The following DNMT3A variants were observed in gnomAD, a reference collection of about 807,000 sequenced individuals.
DNMT3A encodes DNA (cytosine-5)-methyltransferase 3A.
Under a neutral mutation model 117.6 loss-of-function variants are expected in DNMT3A, and 267 were observed. The observed-to-expected ratio is 2.27, with a 90% CI of 2.05 to 2.51. DNMT3A has a LOEUF of 2.51. DNMT3A is among the 30% of genes most tolerant of loss of function. DNMT3A has a pLI of 0.00. For synonymous variants in DNMT3A, 432 were observed against 474.8 expected, an observed-to-expected ratio of 0.91 and a Z score of 1.17; for missense variants, 1,029 against 1,260.2, an observed-to-expected ratio of 0.82 and a Z score of 2.78.
At chr2:25,244,087 C>A (rs1356912044) in intron 15 of DNMT3A, 68 bp downstream of exon 15, 2 of 1,605,490 alleles carry the variant, frequency 1.2e-6, no homozygotes, top group Non-Finnish European at 1.7e-6. Flanking sequence ...ACCCTGCGCA[C>A]AGCTCAGGCC....
At chr2:25,270,750 C>T (rs7580573) in intron 6 of DNMT3A, among the ~76,000 whole-genome samples, 4 of 151,938 alleles carry the variant, frequency 2.6e-5, no homozygotes, top group Admixed American at 2.6e-4. Context: ...GAACCTGCAG[C>T]GGCCTTGGGA....
intron 4 of DNMT3A, 102 bp from the exon 5 acceptor site, chr2:25,275,645 T>G: frequency 1.5e-6 from 2 of 1,310,656 alleles, no homozygotes; most frequent in South Asian, 3.0e-5. Flanking sequence ...CCACAGGGGA[T>G]GGGGGTCCTC....
At chr2:25,258,152 T>A (rs1676319706) in intron 6 of DNMT3A, among the ~76,000 whole-genome samples, 1 of 152,204 alleles carries the variant, frequency 6.6e-6, no homozygotes, top group Non-Finnish European at 1.5e-5. Context: ...GGAATCTGGT[T>A]CTCAGAGTAG....
intron 6 of DNMT3A, among the ~76,000 whole-genome samples, chr2:25,255,948 C>T (rs1164358526): frequency 1.3e-5 from 2 of 152,182 alleles, no homozygotes; most frequent in Non-Finnish European, 2.9e-5. Context: ...TGCTCTGTGG[C>T]ATGCTCTGTC....
At chr2:25,316,952 C>T (rs1399781075) in intron 1 of DNMT3A, among the ~76,000 whole-genome samples, 1 of 152,234 alleles carries the variant, frequency 6.6e-6, no homozygotes, top group African/African-American at 2.4e-5. Flanking sequence ...GATATGATCA[C>T]CATCTCCACT....
intron 2 of DNMT3A, among the ~76,000 whole-genome samples, chr2:25,313,039 C>G (rs141950921): frequency 2.0e-5 from 3 of 152,306 alleles, no homozygotes; most frequent in Non-Finnish European, 4.4e-5. Flanking sequence ...CTATGGCCAT[C>G]ATAAGATCCC....
chr2:25,336,430 A>G (rs577156024), intron 1 of DNMT3A, among the ~76,000 whole-genome samples: 1 of 152,254 alleles, frequency 6.6e-6, no homozygotes, highest in Non-Finnish European at 1.5e-5. Flanking sequence ...CACATCCTCA[A>G]CCATGACTGC....
rs149252495 is a variant in DNMT3A at position 25,299,808 on chromosome 2, G to A, written c.177+331C>T. Reference sequence around the variant, plus strand: ...TAGCCGGGAATGGTGGCGCGTGCCTGTAATCACAGCTACTTGGGAGGCTGA... The same window carrying A: ...TAGCCGGGAATGGTGGCGCGTGCCTATAATCACAGCTACTTGGGAGGCTGA... On this transcript the variant is annotated intron_variant, in intron 3 of 22. Coordinates refer to ENST00000321117, the MANE Select transcript of DNMT3A (RefSeq NM_022552.5). Among the ~76,000 whole-genome samples, 401 of 152,304 alleles carry A rather than the reference G, an allele frequency of 2.6e-3. 3 individuals carry two copies. The highest frequency in any genetic ancestry group is 8.6e-3 in the African/African-American group (358 of 41,564).
intron 6 of DNMT3A, among the ~76,000 whole-genome samples, chr2:25,272,934 T>C (rs1171599129): frequency 6.6e-6 from 1 of 150,426 alleles, no homozygotes; most frequent in Non-Finnish European, 1.5e-5. Flanking sequence ...CTTGAGTAGC[T>C]GGGACTATAG....
upstream of DNMT3A, chr2:25,341,963 C>T (rs1252008207): frequency 1.0e-6 from 1 of 975,000 alleles, no homozygotes; most frequent in Non-Finnish European, 1.2e-6. Context: ...CTGCCTCGCT[C>T]GCTCGCTCCC....
intron 6 of DNMT3A, among the ~76,000 whole-genome samples, chr2:25,264,971 C>T (rs570971296): frequency 3.1e-4 from 47 of 152,260 alleles, no homozygotes; most frequent in South Asian, 6.2e-4. Flanking sequence ...CTATTTCTGT[C>T]GCATTATAAA....
intron 6 of DNMT3A, among the ~76,000 whole-genome samples, chr2:25,259,989 G>A (rs766861352): frequency 2.0e-5 from 3 of 152,078 alleles, no homozygotes; most frequent in African/African-American, 4.8e-5. Context: ...AGGTCTGCCC[G>A]CCTTACAGTC....
At chr2:25,303,103 T>C (rs1346051536) in intron 2 of DNMT3A, among the ~76,000 whole-genome samples, 1 of 152,230 alleles carries the variant, frequency 6.6e-6, no homozygotes, top group Non-Finnish European at 1.5e-5. Flanking sequence ...GAAAAACTCC[T>C]ACTGCCCATA....
chr2:25,317,124 T>C (rs1193740475), intron 1 of DNMT3A, among the ~76,000 whole-genome samples: 9 of 152,090 alleles, frequency 5.9e-5, no homozygotes, highest in African/African-American at 2.2e-4. Context: ...GGTAGTATCA[T>C]AGCTCAATGC....
chr2:25,306,720 T>A lies in DNMT3A; in HGVS notation c.73-6477A>T, dbSNP rs1424030717. On this transcript the variant is annotated intron_variant, in intron 2 of 22. Coordinates refer to ENST00000321117, the MANE Select transcript of DNMT3A (RefSeq NM_022552.5). This position sits in a 1 kb window ranked among gnomAD's most constrained non-coding sequence, Gnocchi z 4.1. ...ACCTCAGCCCTGTCCACCTCTGAGG[T>A]CTCTATGTCACAAGGCCAGACACAG... Among the ~76,000 whole-genome samples, 1 of 152,150 alleles carries A rather than the reference T, an allele frequency of 6.6e-6. No homozygotes were observed. Among genetic ancestry groups the A allele is most frequent in the African/African-American group, 2.4e-5 (1 of 41,436 alleles).
chr2:25,292,025 C>T (rs996862455), intron 3 of DNMT3A, among the ~76,000 whole-genome samples: 13 of 152,210 alleles, frequency 8.5e-5, no homozygotes, highest in East Asian at 5.8e-4. Flanking sequence ...GAGGCCGAGG[C>T]GGGCGGATCA....
In DNMT3A at chr2:25,252,133, TC is replaced by T. The variant is rs1311696577; in HGVS notation, c.640-3882del. ...CAAACCCGGAGGGCTGCGGAGATCC[TC>T]CCACCGGCCCTGCCGCCTCCCCGCC... is the stretch of plus-strand genomic sequence containing the variant. On this transcript the variant is annotated intron_variant, in intron 6 of 22. Coordinates refer to ENST00000321117, the MANE Select transcript of DNMT3A (RefSeq NM_022552.5). This position sits in a 1 kb window ranked among gnomAD's most constrained non-coding sequence, Gnocchi z 5.5. 6.5e-7 allele frequency: 1 copy of T among 1,537,950 alleles called. No homozygotes were observed. Among genetic ancestry groups the T allele is most frequent in the Admixed American group, 2.0e-5 (1 of 49,918 alleles).
chr2:25,263,070 G>A (rs1676749234), intron 6 of DNMT3A, among the ~76,000 whole-genome samples: 1 of 152,090 alleles, frequency 6.6e-6, no homozygotes, highest in Non-Finnish European at 1.5e-5. Flanking sequence ...GAGTAGCTGG[G>A]ACCATTGGTG....
At chr2:25,277,560 G>C (rs2031538237) in intron 4 of DNMT3A, among the ~76,000 whole-genome samples, 1 of 152,188 alleles carries the variant, frequency 6.6e-6, no homozygotes, top group African/African-American at 2.4e-5. Context: ...GCTGGCTCTC[G>C]GACCTGGACT....
Sources: gnomAD v4.1 joint callset for allele counts (sites outside exome capture counted in the v4.1 genomes callset) on GRCh38, gnomAD v4.1.1 for gene constraint, Gnocchi (gnomAD v3.1) non-coding constraint, MANE v1.5 for transcripts, NCBI Gene and HGNC (gene_info 2026-07-23, HGNC 2026-07-21) for gene names.